The following RBFOX1 variants were observed in gnomAD, a reference collection of about 807,000 sequenced individuals.
RBFOX1 encodes RNA binding protein fox-1 homolog 1.
A neutral mutation model predicts 57.7 loss-of-function variants in RBFOX1; 8 were observed. The ratio of observed to expected loss-of-function variants is 0.14; its 90% CI spans 0.08 to 0.25. The LOEUF (loss-of-function observed/expected upper bound fraction) is 0.25, where lower values mean the gene tolerates loss of function less well. Among genes scored for constraint, RBFOX1 ranks in the 10% least tolerant of loss-of-function variants. The probability of loss-of-function intolerance (pLI) is 1.00; values close to 1 mark genes in which losing one functional copy is unlikely to be tolerated. For synonymous variants in RBFOX1, 326 were observed against 222.4 expected (o/e 1.47, Z -4.15); for missense variants, 611 against 548.5 (o/e 1.11, Z -1.14).
chr16:6,388,801 G>C (rs938607028), intron 2 of RBFOX1, among the ~76,000 whole-genome samples: 6 of 152,126 alleles, frequency 3.9e-5, no homozygotes, highest in Non-Finnish European at 2.9e-5. Context: ...GAACCTGGAG[G>C]ACATTCGGCT....
At chr16:7,311,269 G>A (rs1055101380) in intron 4 of RBFOX1, among the ~76,000 whole-genome samples, 3 of 152,126 alleles carry the variant, frequency 2.0e-5, no homozygotes, top group Non-Finnish European at 2.9e-5. Flanking sequence ...TTCTTTATGT[G>A]TCTTGAAACA....
intron 1 of RBFOX1, among the ~76,000 whole-genome samples, chr16:6,229,278 A>G (rs948787833): frequency 3.3e-5 from 5 of 152,202 alleles, no homozygotes; most frequent in Admixed American, 6.5e-5. Flanking sequence ...TCCAAGGAAA[A>G]TACTATACTT....
chr16:6,846,679 C>T (rs1366206659), intron 3 of RBFOX1, among the ~76,000 whole-genome samples: 3 of 152,284 alleles, frequency 2.0e-5, no homozygotes, highest in Admixed American at 1.3e-4. Context: ...AATAAAATTT[C>T]ATGAATGGTA....
chr16:6,006,396 A>G (rs544271487), intron 4 of RBFOX1, among the ~76,000 whole-genome samples: 27 of 152,092 alleles, frequency 1.8e-4, no homozygotes, highest in African/African-American at 6.0e-4. Flanking sequence ...AAGGAAAAAA[A>G]TGTTCTCCTT....
At chr16:5,835,169 G>A (rs942335031) in intron 3 of RBFOX1, among the ~76,000 whole-genome samples, 21 of 152,178 alleles carry the variant, frequency 1.4e-4, no homozygotes, top group Admixed American at 4.6e-4. Context: ...AAGGCAACTG[G>A]CCCAGCCTTA....
At chr16:7,105,121 G>A (rs548288123) in intron 4 of RBFOX1, among the ~76,000 whole-genome samples, 58 of 152,206 alleles carry the variant, frequency 3.8e-4, no homozygotes, top group African/African-American at 1.0e-3. Context: ...GGATGTTTAA[G>A]CAAAAGTCTC....
intron 1 of RBFOX1, among the ~76,000 whole-genome samples, chr16:6,288,336 C>G (rs890338256): frequency 1.3e-5 from 2 of 152,088 alleles, no homozygotes; most frequent in East Asian, 1.9e-4. Flanking sequence ...CTTAGGAGAT[C>G]TTGTTCAAAT....
At chr16:5,464,635 G>T (rs1000379002) in intron 1 of RBFOX1, among the ~76,000 whole-genome samples, 1 of 151,944 alleles carries the variant, frequency 6.6e-6, no homozygotes, top group African/African-American at 2.4e-5. Context: ...ACTGTAGGGC[G>T]CCACGAGAGG....
intron 2 of RBFOX1, among the ~76,000 whole-genome samples, chr16:6,341,134 A>G (rs2084505849): frequency 6.6e-6 from 1 of 152,202 alleles, no homozygotes; most frequent in African/African-American, 2.4e-5. Flanking sequence ...TCTGGAAGTT[A>G]AAAGTCTAAC....
At chr16:6,029,600 C>T (rs964864491) in intron 1 of RBFOX1, among the ~76,000 whole-genome samples, 2 of 151,150 alleles carry the variant, frequency 1.3e-5, no homozygotes, top group Non-Finnish European at 1.5e-5. Flanking sequence ...GGTGAAACCC[C>T]GTCTCTACTA....
At chr16:6,352,845 A>G (rs1271128209) in intron 2 of RBFOX1, among the ~76,000 whole-genome samples, 1 of 152,180 alleles carries the variant, frequency 6.6e-6, no homozygotes, top group East Asian at 1.9e-4. Context: ...ATTTGTTTTT[A>G]TATAATTTCC....
intron 4 of RBFOX1, among the ~76,000 whole-genome samples, chr16:7,477,166 A>G (rs958639103): frequency 3.3e-5 from 5 of 152,196 alleles, no homozygotes; most frequent in Admixed American, 6.5e-5. Context: ...CCAACTACAA[A>G]TAAATGGCAT....
At chr16:5,931,212 C>G (rs2059049472) in intron 4 of RBFOX1, among the ~76,000 whole-genome samples, 1 of 152,112 alleles carries the variant, frequency 6.6e-6, no homozygotes, top group Non-Finnish European at 1.5e-5. Context: ...CATCCTATTG[C>G]TCATGGCCTC....
intron 2 of RBFOX1, among the ~76,000 whole-genome samples, chr16:5,584,559 C>T (rs541129880): frequency 2.0e-4 from 31 of 152,170 alleles, no homozygotes; most frequent in Non-Finnish European, 3.1e-4. Flanking sequence ...GCTTTTTTCC[C>T]CCTTCAGCTT....
At chr16:6,357,489 T>C (rs2087563597) in intron 2 of RBFOX1, among the ~76,000 whole-genome samples, 1 of 151,888 alleles carries the variant, frequency 6.6e-6, no homozygotes, top group Non-Finnish European at 1.5e-5. Context: ...GATAAGGGAG[T>C]TGGAAAGAGC....
intron 3 of RBFOX1, among the ~76,000 whole-genome samples, chr16:5,711,057 C>G (rs568438986): frequency 2.0e-5 from 3 of 152,134 alleles, no homozygotes; most frequent in East Asian, 1.9e-4. Context: ...GGTGTTTGAT[C>G]TGGAAGGGGA....
intron 4 of RBFOX1, among the ~76,000 whole-genome samples, chr16:7,251,626 G>A (rs1192400173): frequency 1.3e-5 from 2 of 151,956 alleles, no homozygotes; most frequent in South Asian, 2.1e-4. Context: ...CACCATGTTG[G>A]CTTGCCTGGT....
intron 1 of RBFOX1, among the ~76,000 whole-genome samples, chr16:5,310,623 G>T (rs1255152611): frequency 6.6e-6 from 1 of 152,172 alleles, no homozygotes; most frequent in Non-Finnish European, 1.5e-5. Flanking sequence ...TGTAAGGTTA[G>T]AATCGATTCC....
chr16:7,166,124 C>T (rs975978325), intron 4 of RBFOX1, among the ~76,000 whole-genome samples: 8 of 152,108 alleles, frequency 5.3e-5, no homozygotes, highest in Non-Finnish European at 8.8e-5. Context: ...AGTGATTCTC[C>T]TGCTTCAGCC....
Sources: allele counts gnomAD v4.1 joint callset (sites outside exome capture counted in the v4.1 genomes callset), GRCh38; gene constraint gnomAD v4.1.1; transcripts MANE v1.5; gene names NCBI Gene and HGNC (gene_info 2026-07-23, HGNC 2026-07-21).